Variants in EPS15 observed in about 807,000 individuals in gnomAD.
The protein encoded by EPS15 is epidermal growth factor receptor pathway substrate 15.
EPS15 carries 72 observed loss-of-function variants against 113.8 expected under a neutral mutation model. The ratio of observed to expected loss-of-function variants is 0.63; its 90% CI spans 0.52 to 0.77. EPS15 has a LOEUF of 0.77. Ranked by LOEUF, EPS15 falls within the 30% of genes least tolerant of loss-of-function variation. EPS15 has a pLI of 0.00. For missense variants in EPS15, 1,048 were observed against 1,045.8 expected, an observed-to-expected ratio of 1.00 and a Z score of -0.03; for synonymous variants, 344 against 363.4, an observed-to-expected ratio of 0.95 and a Z score of 0.61.
At chr1:51,476,507 G>C (rs765942476) in intron 2 of EPS15, among the ~76,000 whole-genome samples, 2 of 152,118 alleles carry the variant, frequency 1.3e-5, no homozygotes, top group Non-Finnish European at 2.9e-5. Flanking sequence ...AGTAGTCTCT[G>C]ATGGTATTTT....
chr1:51,493,483 C>G (rs929704116), intron 1 of EPS15, among the ~76,000 whole-genome samples: 5 of 150,166 alleles, frequency 3.3e-5, no homozygotes, highest in Admixed American at 2.7e-4. Flanking sequence ...CGAGATCGCA[C>G]CACTGCACTC....
chr1:51,371,521 A>G (rs2148361695), intron 21 of EPS15, among the ~76,000 whole-genome samples: 1 of 136,646 alleles, frequency 7.3e-6, no homozygotes, highest in East Asian at 3.6e-4. Context: ...TAAAAAAAAA[A>G]AGAAAAAAAA....
At chr1:51,384,941 T>C (rs1192230923) in intron 21 of EPS15, among the ~76,000 whole-genome samples, 1 of 152,128 alleles carries the variant, frequency 6.6e-6, no homozygotes, top group Non-Finnish European at 1.5e-5. Flanking sequence ...TATACAAAAA[T>C]TAACTCAAAA....
At chr1:51,442,580 G>A (rs944803855) in intron 11 of EPS15, among the ~76,000 whole-genome samples, 3 of 151,872 alleles carry the variant, frequency 2.0e-5, no homozygotes, top group Admixed American at 6.6e-5. Context: ...CTTTCAAAAT[G>A]TTTTCTCTTA....
At chr1:51,434,304 C>G (rs1347910351) in intron 12 of EPS15, among the ~76,000 whole-genome samples, 3 of 152,098 alleles carry the variant, frequency 2.0e-5, no homozygotes, top group Non-Finnish European at 1.5e-5. Flanking sequence ...AAATGTCCAT[C>G]AATAGATGAA....
At chr1:51,464,394 C>T (rs1023299853) in intron 6 of EPS15, among the ~76,000 whole-genome samples, 5 of 151,976 alleles carry the variant, frequency 3.3e-5, no homozygotes, top group African/African-American at 1.2e-4. Context: ...CGCCTGCCAC[C>T]ACACCCAGCT....
chr1:51,375,309 T>A (rs1276995458), intron 21 of EPS15, among the ~76,000 whole-genome samples: 1 of 152,180 alleles, frequency 6.6e-6, no homozygotes, highest in Non-Finnish European at 1.5e-5. Flanking sequence ...CTATATTTAA[T>A]ATGCTTCTAT....
chr1:51,359,662 G>C (rs952899480), intron 24 of EPS15, among the ~76,000 whole-genome samples: 2 of 151,534 alleles, frequency 1.3e-5, no homozygotes, highest in Admixed American at 6.6e-5. Flanking sequence ...GGAGGCTGAG[G>C]CAGGAGAATT....
In EPS15 at chr1:51,419,460, G is replaced by A. The variant is rs181992472; in HGVS notation, c.1113+2326C>T. On this transcript the variant is annotated intron_variant, in intron 13 of 24. Transcript: ENST00000371733. ...AGTTTGATTTCTGTGTTTGAGATAT[G>A]AGCTCATATTATCACTGTGACTTTA... Among the ~76,000 whole-genome samples the A allele has an allele frequency of 1.8e-3, 274 of 152,146 alleles. 4 individuals carry two copies. The South Asian group carries it at 0.024, about 13-fold the overall frequency.
At chr1:51,452,272 T>G (rs1653638939) in intron 8 of EPS15, among the ~76,000 whole-genome samples, 1 of 145,318 alleles carries the variant, frequency 6.9e-6, no homozygotes, top group Non-Finnish European at 1.5e-5. Flanking sequence ...ATATATTTAT[T>G]TAATTTGTTT....
At chr1:51,423,156 AT>A in intron 12 of EPS15, 1 of 1,256,662 alleles carries the variant, frequency 8.0e-7, no homozygotes, top group South Asian at 1.3e-5. Flanking sequence ...AAATAAAGCT[AT>A]TTGTACACTG....
At chr1:51,358,991 A>C (rs992311494) in intron 24 of EPS15, among the ~76,000 whole-genome samples, 1 of 151,770 alleles carries the variant, frequency 6.6e-6, no homozygotes, top group Non-Finnish European at 1.5e-5. Flanking sequence ...GGTGTGAGCC[A>C]CCCCGTCTGG....
chr1:51,465,313 C>G lies in EPS15; in HGVS notation c.323G>C (p.Ser108Thr). 6.2e-7 allele frequency: 1 copy of G among 1,609,300 alleles called. No homozygotes were observed. Among genetic ancestry groups the G allele is most frequent in the Non-Finnish European group, 8.5e-7 (1 of 1,176,444 alleles). The change falls in exon 6 of 25, where the codon AGT (serine) becomes ACT (threonine). Residue 108 changes from serine to threonine, a missense_variant. By Grantham distance (58) the Ser-to-Thr change is moderately conservative (BLOSUM62 1). Coordinates refer to ENST00000371733, the MANE Select transcript of EPS15 (RefSeq NM_001981.3). ...AGAGGTTCCACTGATTAGCAAAGGA[C>G]TACTGGTATCATGCTATAGAAGAAA... Reference protein sequence around the residue: ...VPPPRFHDTSSPLLISGTSAA... With the variant: ...VPPPRFHDTSTPLLISGTSAA...
intron 4 of EPS15, among the ~76,000 whole-genome samples, chr1:51,470,573 G>A (rs1006294200): frequency 9.3e-5 from 14 of 150,504 alleles, no homozygotes; most frequent in East Asian, 5.8e-4. Context: ...CTTGAATCCC[G>A]GAGGCAGAGG....
intron 21 of EPS15, among the ~76,000 whole-genome samples, chr1:51,378,062 A>G (rs542986320): frequency 1.2e-4 from 18 of 151,734 alleles, no homozygotes; most frequent in Non-Finnish European, 2.4e-4. Flanking sequence ...CGCCTGGCTA[A>G]TTTTTTGTAT....
At chr1:51,412,396 T>C (rs766735049) in intron 13 of EPS15, among the ~76,000 whole-genome samples, 2 of 152,194 alleles carry the variant, frequency 1.3e-5, no homozygotes, top group African/African-American at 2.4e-5. Context: ...AAGAATTAGA[T>C]GTTCTCTTTC....
intron 23 of EPS15, among the ~76,000 whole-genome samples, chr1:51,363,367 A>T (rs914501198): frequency 6.6e-6 from 1 of 152,018 alleles, no homozygotes; most frequent in Admixed American, 6.6e-5. Flanking sequence ...GAAAACCAAT[A>T]CTTTGTTTCA....
rs750736336 is a variant in EPS15 at position 51,440,423 on chromosome 1, C to A, written c.964G>T (p.Gly322Ter). Residue 322 changes from glycine (G) to a stop codon, truncating the protein, a stop_gained, in exon 12 of 25, where the codon GGA (glycine) becomes TGA (stop). Transcript: ENST00000371733. LOFTEE classifies it high-confidence loss of function. ...GAGAAATCTGCAACAGGACTTGATC[C>A]TATGATGTTCTAAAAACAAAAAGTT... ...DRASLQKNIIGSSPVADFSAI... is the reference protein window; with the variant it reads ...DRASLQKNII The A allele has an allele frequency of 6.4e-7, 1 of 1,555,050 alleles. No homozygotes were observed.
At chr1:51,468,365 A>ATT in intron 5 of EPS15, 108 bp downstream of exon 5, 1 of 827,576 alleles carries the variant, frequency 1.2e-6, no homozygotes, top group South Asian at 1.5e-5. Flanking sequence ...TAGCTGAGTG[A>ATT]AAGGGCCAAA....
Sources: allele counts gnomAD v4.1 joint callset (sites outside exome capture counted in the v4.1 genomes callset), GRCh38; gene constraint gnomAD v4.1.1; transcripts MANE v1.5; gene names NCBI Gene and HGNC (gene_info 2026-07-23, HGNC 2026-07-21).